ZSWIM5: variants seen among roughly 807,000 people sequenced by gnomAD.
ZSWIM5 encodes the protein zinc finger SWIM domain-containing protein 5.
In ZSWIM5, 55 loss-of-function variants were observed where a neutral mutation model predicts 119.6. The observed-to-expected ratio is 0.46, with a 90% CI of 0.37 to 0.58. The LOEUF is 0.58. Among genes scored for constraint, ZSWIM5 ranks in the 20% least tolerant of loss-of-function variants. The pLI is 0.00. For synonymous variants in ZSWIM5, 537 were observed against 606.9 expected (o/e 0.88, Z 1.69); for missense variants, 1,193 against 1,512.8 (o/e 0.79, Z 3.51).
intron 1 of ZSWIM5, among the ~76,000 whole-genome samples, chr1:45,204,437 TAAAC>T (rs758422334): frequency 1.2e-4 from 19 of 152,166 alleles, no homozygotes; most frequent in East Asian, 5.8e-4. Context: ...CTCTTTCAAA[TAAAC>T]AAAACTTGCT....
chr1:45,123,601 C>G (rs764996423), intron 1 of ZSWIM5, among the ~76,000 whole-genome samples: 7 of 152,022 alleles, frequency 4.6e-5, no homozygotes, highest in Non-Finnish European at 7.4e-5. Flanking sequence ...AAAACCACAC[C>G]AGAGTCTCAG....
At chr1:45,048,918 C>A (rs1297586248) in intron 5 of ZSWIM5, among the ~76,000 whole-genome samples, 4 of 152,000 alleles carry the variant, frequency 2.6e-5, no homozygotes, top group Middle Eastern at 3.2e-3. Context: ...CTCAGGAGTT[C>A]GAGACTAGCC....
At chr1:45,070,525 T>A (rs1645215484) in intron 2 of ZSWIM5, 8 of 611,452 alleles carry the variant, frequency 1.3e-5, no homozygotes, top group Non-Finnish European at 2.1e-5. Context: ...GTAATATTCA[T>A]GATTTTTTTC....
chr1:45,031,700 C>T (rs1341041463), intron 11 of ZSWIM5, among the ~76,000 whole-genome samples: 6 of 151,792 alleles, frequency 4.0e-5, no homozygotes, highest in Non-Finnish European at 8.8e-5. Context: ...ATTAGCCGGG[C>T]GTGGTGGCGG....
chr1:45,066,227 A>C (rs1570049053), intron 2 of ZSWIM5, among the ~76,000 whole-genome samples: 1 of 151,806 alleles, frequency 6.6e-6, no homozygotes, highest in African/African-American at 2.4e-5. Flanking sequence ...ATTCCCCCCC[A>C]TGGAGAATTT....
intron 5 of ZSWIM5, among the ~76,000 whole-genome samples, chr1:45,048,196 T>C (rs111380566): frequency 0.02 from 3,037 of 150,306 alleles, 103 homozygotes; most frequent in African/African-American, 0.071. Flanking sequence ...CAATCCACGA[T>C]ACCTGGCTAA....
chr1:45,145,682 G>C (rs779644220), intron 1 of ZSWIM5, among the ~76,000 whole-genome samples: 5 of 152,022 alleles, frequency 3.3e-5, no homozygotes, highest in Non-Finnish European at 7.4e-5. Flanking sequence ...ACAATGGGAG[G>C]GAGTTTTTTG....
intron 1 of ZSWIM5, among the ~76,000 whole-genome samples, chr1:45,174,984 A>C (rs777067476): frequency 2.3e-4 from 35 of 152,118 alleles, no homozygotes; most frequent in Non-Finnish European, 1.0e-4. Flanking sequence ...TATAATGCAC[A>C]GGCCCCATTC....
chr1:45,101,044 G>A (rs1041105256), intron 1 of ZSWIM5, among the ~76,000 whole-genome samples: 22 of 152,114 alleles, frequency 1.4e-4, no homozygotes, highest in African/African-American at 4.8e-4. Flanking sequence ...ATTGACAAAT[G>A]GGATCTAATT....
intron 2 of ZSWIM5, among the ~76,000 whole-genome samples, chr1:45,061,972 C>T (rs1015890657): frequency 1.3e-5 from 2 of 151,906 alleles, no homozygotes; most frequent in African/African-American, 4.8e-5. Context: ...TGCCTGTAAT[C>T]CCAGCTACCT....
At chr1:45,147,696 A>G (rs1306168147) in intron 1 of ZSWIM5, among the ~76,000 whole-genome samples, 1 of 152,040 alleles carries the variant, frequency 6.6e-6, no homozygotes, top group African/African-American at 2.4e-5. Flanking sequence ...CCCTTTCTAA[A>G]AATCCCTTCT....
chr1:45,118,013 G>GAGGCAGAGCTTGCAGGC (rs926483746), intron 1 of ZSWIM5, among the ~76,000 whole-genome samples: 7 of 151,852 alleles, frequency 4.6e-5, no homozygotes, highest in Admixed American at 3.9e-4. Flanking sequence ...AGCTTGCAGA[G>GAGGCAGAGCTTGCAGGC]AGGCAGAGCT....
rs1645495982 is a variant in ZSWIM5 at position 45,108,709 on chromosome 1, TTA to T, written c.596-20474_596-20473del. Among the ~76,000 whole-genome samples the T allele has an allele frequency of 3.3e-5, 5 of 152,032 alleles. No homozygotes were observed. In the South Asian group the frequency reaches 1.0e-3, roughly 31 times the overall value. On this transcript the variant is annotated intron_variant, in intron 1 of 13. Coordinates refer to ENST00000359600, the MANE Select transcript of ZSWIM5 (RefSeq NM_020883.2). ...TACTGTAAGCATTCAAAAAATATTA[TTA>T]TGTTAATGTTCTGCCTATAATTCCA...
At chr1:45,164,283 C>G (rs1645885656) in intron 1 of ZSWIM5, among the ~76,000 whole-genome samples, 1 of 152,094 alleles carries the variant, frequency 6.6e-6, no homozygotes, top group Admixed American at 6.6e-5. Flanking sequence ...GAGATTTTGT[C>G]ACCACCAGGC....
chr1:45,173,748 C>T (rs1009218238), intron 1 of ZSWIM5, among the ~76,000 whole-genome samples: 51 of 152,004 alleles, frequency 3.4e-4, no homozygotes, highest in African/African-American at 1.2e-3. Context: ...TGGCAAAGCG[C>T]CCAGCACTTT....
rs746790979 is a variant in ZSWIM5 at position 45,020,095 on chromosome 1, C to T, written c.2666G>A (p.Arg889Gln). Residue 889 changes from arginine (R) to glutamine (Q), a missense_variant, in exon 13 of 14, where the codon CGA becomes CAA. Transcript: ENST00000359600. Reference protein sequence around the residue: ...TLNWRRREMVRWLVTCATEVG... With the variant: ...TLNWRRREMVQWLVTCATEVG... ...TTCTGTAGCACAGGTCACCAACCATCGTACCATCTCCCTGCGTCTCCAGTT... is the reference window on the plus strand; with the variant it reads ...TTCTGTAGCACAGGTCACCAACCATTGTACCATCTCCCTGCGTCTCCAGTT... The T allele has an allele frequency of 6.8e-6, 11 of 1,614,144 alleles. No individual in the cohort carries two copies. The highest frequency in any genetic ancestry group is 5.0e-5 in the Admixed American group (3 of 60,022).
chr1:45,205,248 C>A (rs1490558234), intron 1 of ZSWIM5, among the ~76,000 whole-genome samples: 2 of 151,954 alleles, frequency 1.3e-5, no homozygotes, highest in African/African-American at 4.8e-5. Flanking sequence ...AATCCTAACG[C>A]AGACAATTAA....
In ZSWIM5 at chr1:45,054,550, C is replaced by A. The variant is rs142395212; in HGVS notation, c.1253-3297G>T. On this transcript the variant is annotated intron_variant, in intron 4 of 13. Transcript: ENST00000359600. ...TGAGCTGAGATCGCACCACTGCACT[C>A]CAGACTGGGCAACAGAGTGAGACAC... Among the ~76,000 whole-genome samples the A allele has an allele frequency of 1.3e-3, 195 of 151,960 alleles. 5 individuals carry two copies. The East Asian group carries it at 0.036, about 28-fold the overall frequency.
At chr1:45,089,752 A>G (rs954130104) in intron 1 of ZSWIM5, among the ~76,000 whole-genome samples, 1 of 152,182 alleles carries the variant, frequency 6.6e-6, no homozygotes, top group African/African-American at 2.4e-5. Flanking sequence ...TGAGAGGATT[A>G]CTTGAGGCCA....
Sources: gnomAD v4.1 joint callset for allele counts (sites outside exome capture counted in the v4.1 genomes callset) on GRCh38, gnomAD v4.1.1 for gene constraint, MANE v1.5 for transcripts, NCBI Gene and HGNC (gene_info 2026-07-23, HGNC 2026-07-21) for gene names.